Variants in PCYT1A observed in about 807,000 individuals in gnomAD.
The protein encoded by PCYT1A is phosphate cytidylyltransferase 1A, choline.
Under a neutral mutation model 43.7 loss-of-function variants are expected in PCYT1A, and 25 were observed. The ratio of observed to expected loss-of-function variants is 0.57; its 90% CI spans 0.42 to 0.80. PCYT1A has a LOEUF of 0.80. PCYT1A is among the 30% of genes least tolerant of loss of function. PCYT1A has a pLI of 0.00. For missense variants in PCYT1A, 421 were observed against 474.2 expected, an observed-to-expected ratio of 0.89 and a Z score of 1.04; for synonymous variants, 172 against 170.7, an observed-to-expected ratio of 1.01 and a Z score of -0.06.
At chr3:196,281,311 A>C (rs565279111) in intron 1 of PCYT1A, among the ~76,000 whole-genome samples, 1 of 152,238 alleles carries the variant, frequency 6.6e-6, no homozygotes, top group Non-Finnish European at 1.5e-5. Context: ...TGGAGATAAC[A>C]GTGTAAGGAC....
At chr3:196,257,519 T>C (rs576719603) in intron 3 of PCYT1A, among the ~76,000 whole-genome samples, 1 of 152,284 alleles carries the variant, frequency 6.6e-6, no homozygotes, top group South Asian at 2.1e-4. Context: ...CAAGCTAATA[T>C]AATATCATAT....
chr3:196,257,959 AGATGAG>A, intron 2 of PCYT1A, 72 bp from the exon 3 acceptor site: 10 of 829,628 alleles, frequency 1.2e-5, no homozygotes, highest in Non-Finnish European at 2.0e-5. Context: ...AAAAAAAAAA[AGATGAG>A]AGAAAGGAGA....
rs533593241 is a variant in PCYT1A, at chr3:196,238,030, C to T, written c.*658G>A. On this transcript the variant is annotated 3_prime_UTR_variant, in exon 9 of 9. Transcript: ENST00000431016. The stretch of plus-strand genomic sequence containing the variant: ...TCCCCATCAGTGTCTTCATGGACCC[C>T]ATTGGGTCCAACAAGAAACTCCTCA... 1 of 152,318 alleles carries T rather than the reference C, an allele frequency of 6.6e-6. No homozygotes were observed. Among genetic ancestry groups the T allele is most frequent in the East Asian group, 1.9e-4 (1 of 5,188 alleles). 9.4% of individuals were successfully genotyped at this position (152,318 alleles called of 1,614,324 possible). A position where few individuals can be genotyped will look rare whatever the true frequency, so the allele number is the denominator to read the frequency against.
intron 1 of PCYT1A, chr3:196,283,513 C>G: frequency 6.6e-6 from 1 of 152,030 alleles, no homozygotes; most frequent in East Asian, 1.9e-4. Context: ...TTCTTTTTAT[C>G]TTCTGAGGTG....
chr3:196,271,470 C>T (rs888389507), intron 1 of PCYT1A, among the ~76,000 whole-genome samples: 3 of 152,244 alleles, frequency 2.0e-5, no homozygotes, highest in Non-Finnish European at 4.4e-5. Context: ...GGCTGGAGCG[C>T]AGTGGCTACT....
chr3:196,274,670 CCTGA>C (rs1485781908), intron 1 of PCYT1A, among the ~76,000 whole-genome samples: 1 of 152,184 alleles, frequency 6.6e-6, no homozygotes, highest in African/African-American at 2.4e-5. Flanking sequence ...CTCTCATAAG[CCTGA>C]CTGAGATGTT....
Position 196,254,525 on chromosome 3 carries a change from A to G in PCYT1A, c.217+3263T>C, listed in dbSNP as rs146265761. ...ACCACCACACCTGGCTAATTATTAAAATTTTTGTAGAGATGGGATCTCACT... is the reference window on the plus strand; with the variant it reads ...ACCACCACACCTGGCTAATTATTAAGATTTTTGTAGAGATGGGATCTCACT... On this transcript the variant is annotated intron_variant, in intron 3 of 8. Coordinates refer to ENST00000431016, the MANE Select transcript of PCYT1A (RefSeq NM_001312673.2). Among the ~76,000 whole-genome samples the G allele has an allele frequency of 5.1e-3, 775 of 151,726 alleles. 4 individuals are homozygous for G. Among genetic ancestry groups the G allele is most frequent in the African/African-American group, 0.018 (737 of 41,352 alleles).
At chr3:196,285,967 A>G (rs1725898509) in intron 1 of PCYT1A, among the ~76,000 whole-genome samples, 1 of 151,496 alleles carries the variant, frequency 6.6e-6, no homozygotes, top group Non-Finnish European at 1.5e-5. Flanking sequence ...CCTTGTTCCT[A>G]CGCTCAAAGC....
rs1376877554 is a variant in PCYT1A at position 196,234,554 on chromosome 3, CT to C, written c.*4133del. On this transcript the variant is annotated 3_prime_UTR_variant, in exon 9 of 9. Coordinates refer to ENST00000431016, the MANE Select transcript of PCYT1A (RefSeq NM_001312673.2). ...GCAGTCCTTTCCAAGACTCTTTTGT[CT>C]TTTAGGGATCCTCAATACAAAACAA... The C allele has an allele frequency of 6.6e-6, 1 of 152,182 alleles. No individual in the cohort carries two copies. Among genetic ancestry groups the C allele is most frequent in the African/African-American group, 2.4e-5 (1 of 41,430 alleles). The allele number at this position is 152,182 out of a possible 1,614,324, so 9.4% of individuals were successfully genotyped here.
At chr3:196,265,495 T>G (rs939614636) in intron 2 of PCYT1A, among the ~76,000 whole-genome samples, 1 of 152,224 alleles carries the variant, frequency 6.6e-6, no homozygotes, top group Non-Finnish European at 1.5e-5. Flanking sequence ...CCATAAAGTT[T>G]TTCCTAGTTT....
chr3:196,285,484 A>C (rs1390425679), intron 1 of PCYT1A, among the ~76,000 whole-genome samples: 3 of 146,092 alleles, frequency 2.1e-5, no homozygotes, highest in Non-Finnish European at 3.1e-5. Context: ...AATAAATAAA[A>C]TAAAAAGGGC....
rs538850566 is a variant in PCYT1A at position 196,252,082 on chromosome 3, C to T, written c.218-3759G>A. Among the ~76,000 whole-genome samples, 204 of 148,938 alleles carry T rather than the reference C, an allele frequency of 1.4e-3. 1 individual carries two copies. The highest frequency in any genetic ancestry group is 4.6e-3 in the African/African-American group (182 of 39,350). On this transcript the variant is annotated intron_variant, in intron 3 of 8. Coordinates refer to ENST00000431016, the MANE Select transcript of PCYT1A (RefSeq NM_001312673.2). The surrounding 1 kb of genome is among the most constrained non-coding windows in gnomAD (Gnocchi z 4.0). ...CACCACCACGCCCCGCTGACTACAG[C>T]GCACCCCGCCACGCCCCGCAGACTA...
rs537724455 is a variant in PCYT1A, at chr3:196,243,471, G to A, written c.487-831C>T. Among the ~76,000 whole-genome samples, 5 of 152,162 alleles carry A rather than the reference G, an allele frequency of 3.3e-5. No homozygotes were observed. The South Asian group carries it at 8.3e-4, about 25-fold the overall frequency. On this transcript the variant is annotated intron_variant, in intron 5 of 8. Transcript: ENST00000431016. ...TCTATTGGCCTGAGAAATACAAACCGAAGGCCATAAGAGAAGTTTTCTCCC... is the reference window on the plus strand; with the variant it reads ...TCTATTGGCCTGAGAAATACAAACCAAAGGCCATAAGAGAAGTTTTCTCCC...
rs896739323 is a variant in PCYT1A, at chr3:196,279,831, T to C, written c.-11+7784A>G. Among the ~76,000 whole-genome samples the C allele has an allele frequency of 1.5e-3, 211 of 140,816 alleles. 1 individual carries two copies. Among genetic ancestry groups the C allele is most frequent in the Admixed American group, 0.014 (194 of 13,926 alleles). 92.4% of individuals were successfully genotyped at this position (140,816 alleles called of 152,430 possible). On this transcript the variant is annotated intron_variant, in intron 1 of 8. Coordinates refer to ENST00000431016, the MANE Select transcript of PCYT1A (RefSeq NM_001312673.2). ...GGACTCCTATCCAGTCCTTTCTTTT[T>C]TTTTTTTTTTTTTTTTTTTTGAGAC...
chr3:196,253,210 G>A (rs868240005), intron 3 of PCYT1A, among the ~76,000 whole-genome samples: 3 of 151,766 alleles, frequency 2.0e-5, no homozygotes, highest in Non-Finnish European at 4.4e-5. Flanking sequence ...GGTGGTGGGC[G>A]CCTGTAATCC....
chr3:196,258,926 T>C (rs1157089424), intron 2 of PCYT1A, among the ~76,000 whole-genome samples: 1 of 152,204 alleles, frequency 6.6e-6, no homozygotes, highest in Non-Finnish European at 1.5e-5. Context: ...TTTCTTGTGA[T>C]GTTTATGTCT....
At chr3:196,286,861 C>T (rs917533478) in intron 1 of PCYT1A, among the ~76,000 whole-genome samples, 1 of 152,234 alleles carries the variant, frequency 6.6e-6, no homozygotes, top group African/African-American at 2.4e-5. Context: ...TTGCGGTGAG[C>T]TGAGATCGCG....
intron 1 of PCYT1A, among the ~76,000 whole-genome samples, 198 bp from the exon 2 acceptor site, chr3:196,270,739 G>A (rs932878316): frequency 6.6e-6 from 1 of 152,148 alleles, no homozygotes; most frequent in African/African-American, 2.4e-5. Context: ...ATACTGAAAC[G>A]CCTCTCTGTG....
intron 2 of PCYT1A, among the ~76,000 whole-genome samples, chr3:196,267,563 A>G (rs954822518): frequency 2.0e-5 from 3 of 152,088 alleles, no homozygotes; most frequent in Non-Finnish European, 4.4e-5. Context: ...AAACAAATTT[A>G]AAAATTAGCC....
Sources: gnomAD v4.1 joint callset for allele counts (sites outside exome capture counted in the v4.1 genomes callset) on GRCh38, gnomAD v4.1.1 for gene constraint, Gnocchi (gnomAD v3.1) non-coding constraint, MANE v1.5 for transcripts, NCBI Gene and HGNC (gene_info 2026-07-23, HGNC 2026-07-21) for gene names.